VTI1A: variants seen among roughly 807,000 people sequenced by gnomAD.
The protein encoded by VTI1A is vesicle transport through interaction with t-SNAREs homolog 1A.
In VTI1A, 22 loss-of-function variants were observed where a neutral mutation model predicts 34.9. The observed-to-expected ratio is 0.63, with a 90% CI of 0.45 to 0.90. VTI1A has a LOEUF of 0.90. Ranked by LOEUF, VTI1A falls within the 40% of genes least tolerant of loss-of-function variation. The pLI is 0.00. For synonymous variants in VTI1A, 87 were observed against 97.3 expected, an observed-to-expected ratio of 0.89 and a Z score of 0.62; for missense variants, 268 against 275.6, an observed-to-expected ratio of 0.97 and a Z score of 0.20.
intron 7 of VTI1A, among the ~76,000 whole-genome samples, chr10:112,769,986 CTT>C (rs1851757549): frequency 1.3e-5 from 2 of 151,898 alleles, no homozygotes; most frequent in African/African-American, 2.4e-5. Flanking sequence ...GGGGTCATAT[CTT>C]TTGGAGTTTC....
intron 7 of VTI1A, among the ~76,000 whole-genome samples, chr10:112,745,261 A>G (rs1850853408): frequency 6.6e-6 from 1 of 152,016 alleles, no homozygotes; most frequent in South Asian, 2.1e-4. Flanking sequence ...AAAGTTTTAT[A>G]AAAGCTTCTT....
At chr10:112,785,823 A>C (rs1045270405) in intron 7 of VTI1A, among the ~76,000 whole-genome samples, 2 of 152,136 alleles carry the variant, frequency 1.3e-5, no homozygotes, top group Non-Finnish European at 2.9e-5. Context: ...GTTCCATTGA[A>C]CTGTGTCTTC....
At chr10:112,778,219 TG>T (rs1319283500) in intron 7 of VTI1A, among the ~76,000 whole-genome samples, 1 of 152,262 alleles carries the variant, frequency 6.6e-6, no homozygotes, top group Non-Finnish European at 1.5e-5. Flanking sequence ...ACCAGCTACC[TG>T]GATAAACATC....
intron 5 of VTI1A, among the ~76,000 whole-genome samples, chr10:112,539,665 GT>G (rs888119339): frequency 1.3e-5 from 2 of 152,164 alleles, no homozygotes. Flanking sequence ...TCTAGCTCTT[GT>G]TTGTGTGACC....
chr10:112,808,095 G>C (rs1325495513), intron 7 of VTI1A, among the ~76,000 whole-genome samples: 1 of 152,082 alleles, frequency 6.6e-6, no homozygotes, highest in Non-Finnish European at 1.5e-5. Context: ...GTGCATGCCT[G>C]TAGTCCCAGC....
intron 7 of VTI1A, among the ~76,000 whole-genome samples, chr10:112,721,546 T>C (rs1366310895): frequency 6.6e-6 from 1 of 152,350 alleles, no homozygotes; most frequent in East Asian, 1.9e-4. Context: ...TTAATACTCA[T>C]GATGAAACAA....
chr10:112,457,208 C>G (rs1847563633), intron 1 of VTI1A, among the ~76,000 whole-genome samples: 3 of 152,130 alleles, frequency 2.0e-5, no homozygotes. Context: ...TCAACTGACC[C>G]ACCAAAGCCA....
chr10:112,808,862 G>GT (rs1270676232), intron 7 of VTI1A, among the ~76,000 whole-genome samples: 1 of 152,154 alleles, frequency 6.6e-6, no homozygotes, highest in Non-Finnish European at 1.5e-5. Context: ...CGGTATGGTA[G>GT]TAAGAATGGT....
At position 112,723,664 on chromosome 10, in the gene VTI1A, T is replaced by C. The variant is rs768235739; in HGVS notation, c.560+54666T>C. ...TTACTGCTAAATAGGAAGCAAGGGCTCCAAATGCCAGTGTCCTAATCGTTT... is the reference window on the plus strand; with the variant it reads ...TTACTGCTAAATAGGAAGCAAGGGCCCCAAATGCCAGTGTCCTAATCGTTT... On this transcript the variant is annotated intron_variant, in intron 7 of 7. Transcript: ENST00000393077. Among the ~76,000 whole-genome samples, 8 of 152,294 alleles carry C rather than the reference T, an allele frequency of 5.3e-5. No individual in the cohort carries two copies. In the East Asian group the frequency reaches 1.5e-3, roughly 29 times the overall value.
intron 5 of VTI1A, among the ~76,000 whole-genome samples, chr10:112,651,261 A>G (rs1590026242): frequency 2.0e-5 from 3 of 152,320 alleles, no homozygotes; most frequent in Non-Finnish European, 2.9e-5. Context: ...TAATATCTCA[A>G]TGTCTTAATT....
At chr10:112,713,668 A>G (rs1236392875) in intron 7 of VTI1A, among the ~76,000 whole-genome samples, 1 of 152,234 alleles carries the variant, frequency 6.6e-6, no homozygotes, top group Non-Finnish European at 1.5e-5. Flanking sequence ...GTAAGTAATT[A>G]TACATAGTCA....
At chr10:112,524,128 C>T (rs994381275) in intron 3 of VTI1A, among the ~76,000 whole-genome samples, 1 of 151,730 alleles carries the variant, frequency 6.6e-6, no homozygotes, top group Non-Finnish European at 1.5e-5. Context: ...GGATTTTCCC[C>T]CTTTTTTGGT....
At chr10:112,562,475 A>G (rs1328889996) in intron 5 of VTI1A, among the ~76,000 whole-genome samples, 1 of 152,108 alleles carries the variant, frequency 6.6e-6, no homozygotes, top group Non-Finnish European at 1.5e-5. Context: ...AGTAATAAAT[A>G]CCAGGTAACT....
At chr10:112,748,071 G>A (rs1346291454) in intron 7 of VTI1A, among the ~76,000 whole-genome samples, 3 of 152,098 alleles carry the variant, frequency 2.0e-5, no homozygotes, top group Non-Finnish European at 4.4e-5. Flanking sequence ...GGCCCAGGTA[G>A]AGGAAGTGAC....
intron 7 of VTI1A, among the ~76,000 whole-genome samples, chr10:112,700,559 T>C (rs771249572): frequency 3.3e-5 from 5 of 152,176 alleles, no homozygotes; most frequent in Non-Finnish European, 5.9e-5. Context: ...AAAGAACTCA[T>C]AAGTATCAGA....
intron 5 of VTI1A, among the ~76,000 whole-genome samples, chr10:112,568,943 T>A (rs988652892): frequency 2.0e-5 from 3 of 151,928 alleles, no homozygotes; most frequent in African/African-American, 7.3e-5. Context: ...TCACCTGAGG[T>A]CGGGAGTTTG....
At chr10:112,576,068 C>T (rs1309824801) in intron 5 of VTI1A, among the ~76,000 whole-genome samples, 3 of 145,568 alleles carry the variant, frequency 2.1e-5, no homozygotes, top group Non-Finnish European at 3.0e-5. Context: ...TCGCCCAGGC[C>T]GGACTGCAGT....
intron 7 of VTI1A, among the ~76,000 whole-genome samples, chr10:112,765,860 T>C (rs1487368153): frequency 1.3e-5 from 2 of 152,292 alleles, no homozygotes. Context: ...CCTATCTCTC[T>C]GTGATGCTAA....
chr10:112,744,214 G>T (rs1479727220), intron 7 of VTI1A, among the ~76,000 whole-genome samples: 1 of 152,110 alleles, frequency 6.6e-6, no homozygotes, highest in Non-Finnish European at 1.5e-5. Context: ...ATCTCCTCTT[G>T]TATAAGCTAT....
Sources: allele counts gnomAD v4.1 joint callset (sites outside exome capture counted in the v4.1 genomes callset), GRCh38; gene constraint gnomAD v4.1.1; transcripts MANE v1.5; gene names NCBI Gene and HGNC (gene_info 2026-07-23, HGNC 2026-07-21).